GRB10: variants seen among roughly 807,000 people sequenced by gnomAD.
The protein encoded by GRB10 is growth factor receptor-bound protein 10.
In GRB10, 20 loss-of-function variants were observed where a neutral mutation model predicts 80.9. That is an observed-to-expected ratio of 0.25 (90% CI 0.17 to 0.36). The LOEUF is 0.36. GRB10 is among the 10% of genes least tolerant of loss of function. The pLI, the probability that GRB10 is intolerant of heterozygous loss-of-function variation, is 1.00. For synonymous variants in GRB10, 291 were observed against 291.5 expected, an observed-to-expected ratio of 1.00 and a Z score of 0.02; for missense variants, 548 against 747.7, an observed-to-expected ratio of 0.73 and a Z score of 3.12.
rs1428529705 is a variant in GRB10, at chr7:50,782,565, C to A, written c.-468G>T. Reference sequence around the variant, plus strand: ...GGACAGCGCTCGGAGCCGGGCCGGGCTGGTCCTCCACGGCTCCGCCCCGGC... The same window carrying A: ...GGACAGCGCTCGGAGCCGGGCCGGGATGGTCCTCCACGGCTCCGCCCCGGC... On this transcript the variant is annotated 5_prime_UTR_variant, in exon 1 of 19. Coordinates refer to ENST00000401949, the MANE Select transcript of GRB10 (RefSeq NM_001350814.2). The surrounding 1 kb of genome is among the most constrained non-coding windows in gnomAD (Gnocchi z 6.6). 2 of 150,906 alleles carry A rather than the reference C, an allele frequency of 1.3e-5. No individual in the cohort carries two copies. The highest frequency in any genetic ancestry group is 3.0e-5 in the Non-Finnish European group (2 of 67,662). The allele number at this position is 150,906 out of a possible 1,614,324, so 9.3% of individuals were successfully genotyped here. A position where few individuals can be genotyped will look rare whatever the true frequency, so the allele number is the denominator to read the frequency against.
chr7:50,688,845 C>T (rs1471542529), intron 5 of GRB10, among the ~76,000 whole-genome samples: 8 of 152,036 alleles, frequency 5.3e-5, no homozygotes, highest in South Asian at 2.1e-4. Flanking sequence ...ACCGAACTGT[C>T]GGCAAGCACA....
intron 12 of GRB10, 79 bp downstream of exon 12, chr7:50,614,691 C>T (rs937624916): frequency 1.0e-5 from 9 of 873,798 alleles, no homozygotes; most frequent in Non-Finnish European, 1.8e-5. Flanking sequence ...AAGCAACAAT[C>T]AAGTGCTGGG....
intron 7 of GRB10, among the ~76,000 whole-genome samples, chr7:50,638,557 C>T (rs1377196272): frequency 1.3e-5 from 2 of 152,158 alleles, no homozygotes; most frequent in South Asian, 2.1e-4. Flanking sequence ...TCTTATACCA[C>T]GGAGAATGGC....
intron 3 of GRB10, among the ~76,000 whole-genome samples, chr7:50,737,153 C>T (rs922174910): frequency 1.3e-5 from 2 of 152,080 alleles, no homozygotes; most frequent in Non-Finnish European, 2.9e-5. Context: ...GGATTAAAAC[C>T]CAGAATATAT....
chr7:50,657,364 C>T (rs1048583488), intron 7 of GRB10, among the ~76,000 whole-genome samples: 1 of 152,098 alleles, frequency 6.6e-6, no homozygotes, highest in African/African-American at 2.4e-5. Context: ...CCCACTTCCT[C>T]GAGTGTCTGT....
upstream of GRB10, among the ~76,000 whole-genome samples, chr7:50,783,565 TA>T (rs2078537663): frequency 6.7e-6 from 1 of 148,948 alleles, no homozygotes; most frequent in African/African-American, 2.5e-5. Context: ...CGCACACACA[TA>T]CACCACAGAC....
chr7:50,638,960 C>T (rs956907533), intron 7 of GRB10, among the ~76,000 whole-genome samples: 2 of 152,160 alleles, frequency 1.3e-5, no homozygotes, highest in Non-Finnish European at 2.9e-5. Context: ...AGCTGGAGGC[C>T]ATTATCTTAA....
intron 4 of GRB10, among the ~76,000 whole-genome samples, 196 bp from the exon 5 acceptor site, chr7:50,704,104 C>G (rs955848526): frequency 6.6e-6 from 1 of 152,224 alleles, no homozygotes; most frequent in African/African-American, 2.4e-5. Context: ...AAGGTGCAAG[C>G]TGTTTGGCAA....
rs777447034 is a variant in GRB10 at position 50,619,158 on chromosome 7, G to A, written c.777+12C>T. On this transcript the variant is annotated intron_variant, in intron 9 of 18. Transcript: ENST00000401949. ...GAGTCCCAAACCCCAAACCTGAAGA[G>A]GTAAGACTCACCATGGGATTTTTAA... 1 of 1,464,584 alleles carries A rather than the reference G, an allele frequency of 6.8e-7. No individual in the cohort carries two copies. The highest frequency in any genetic ancestry group is 9.6e-7 in the Non-Finnish European group (1 of 1,043,440). The allele number at this position is 1,464,584 out of a possible 1,614,324, so 90.7% of individuals were successfully genotyped here. A position where few individuals can be genotyped will look rare whatever the true frequency, so the allele number is the denominator to read the frequency against.
intron 10 of GRB10, chr7:50,617,783 C>T (rs937001997): frequency 4.8e-5 from 24 of 501,640 alleles, no homozygotes; most frequent in African/African-American, 3.5e-4. Flanking sequence ...CACCCCCTGG[C>T]CCACACTCAG....
At chr7:50,729,013 AG>A (rs1370580554) in intron 4 of GRB10, among the ~76,000 whole-genome samples, 1 of 152,150 alleles carries the variant, frequency 6.6e-6, no homozygotes, top group Non-Finnish European at 1.5e-5. Flanking sequence ...CAGTTCGTCA[AG>A]CCCTGCACTA....
At chr7:50,621,331 G>A (rs1265424804) in intron 8 of GRB10, among the ~76,000 whole-genome samples, 1 of 152,272 alleles carries the variant, frequency 6.6e-6, no homozygotes, top group Non-Finnish European at 1.5e-5. Flanking sequence ...GGGATAACCG[G>A]TGGGCTGTGA....
chr7:50,706,613 T>C (rs1398903352), intron 4 of GRB10, among the ~76,000 whole-genome samples: 1 of 152,242 alleles, frequency 6.6e-6, no homozygotes, highest in Non-Finnish European at 1.5e-5. Context: ...GGCCCCACCC[T>C]GTGGTTTTAA....
chr7:50,757,200 C>T (rs1247047138), intron 2 of GRB10, among the ~76,000 whole-genome samples: 4 of 152,302 alleles, frequency 2.6e-5, no homozygotes, highest in South Asian at 2.1e-4. Flanking sequence ...CACCCCTTAG[C>T]GGCTGATGTC....
At chr7:50,723,697 A>C (rs1178546928) in intron 4 of GRB10, among the ~76,000 whole-genome samples, 2 of 152,238 alleles carry the variant, frequency 1.3e-5, no homozygotes, top group African/African-American at 2.4e-5. Context: ...ATTTCATAAC[A>C]GTGCAGGTAT....
chr7:50,616,868 A>G (rs1186343065), intron 10 of GRB10, among the ~76,000 whole-genome samples: 4 of 152,236 alleles, frequency 2.6e-5, no homozygotes, highest in Non-Finnish European at 5.9e-5. Flanking sequence ...AAAACAAAAC[A>G]AAACAAGAAA....
Position 50,669,770 on chromosome 7 carries a change from AG to A in GRB10, c.455del (p.Pro152LeufsTer34), listed in dbSNP as rs869247136. On this transcript the variant is annotated frameshift_variant, in exon 7 of 19. Transcript: ENST00000401949. LOFTEE classifies it high-confidence loss of function. ...FPELCGPGSPPVLTPGSLPPS... is the reference protein window; with the variant it reads ...FPELCGPGSPXVLTPGSLPPS... ...GAGGTAAAGAACCCGGCGTGAGCAC[AG>A]GGGGGCTCCCAGGGCCACAGAGTTC... The A allele has an allele frequency of 6.2e-7, 1 of 1,613,914 alleles. No homozygotes were observed. The highest frequency in any genetic ancestry group is 8.5e-7 in the Non-Finnish European group (1 of 1,179,954).
intron 2 of GRB10, among the ~76,000 whole-genome samples, chr7:50,776,560 T>C (rs1245407749): frequency 1.3e-5 from 2 of 152,186 alleles, no homozygotes; most frequent in African/African-American, 4.8e-5. Flanking sequence ...TTTCAATTCA[T>C]TTCTCTCACA....
chr7:50,660,989 T>C (rs1395029746), intron 7 of GRB10, among the ~76,000 whole-genome samples: 1 of 152,152 alleles, frequency 6.6e-6, no homozygotes, highest in Non-Finnish European at 1.5e-5. Context: ...ACGGGCAGAC[T>C]GTGGAGGTGC....
Sources: gnomAD v4.1 joint callset for allele counts (sites outside exome capture counted in the v4.1 genomes callset) on GRCh38, gnomAD v4.1.1 for gene constraint, Gnocchi (gnomAD v3.1) non-coding constraint, MANE v1.5 for transcripts, NCBI Gene and HGNC (gene_info 2026-07-23, HGNC 2026-07-21) for gene names.